Variants in SGCZ observed in about 807,000 individuals in gnomAD.
The protein encoded by SGCZ is sarcoglycan zeta, also known as zeta-sarcoglycan.
SGCZ carries 40 observed loss-of-function variants against 41.3 expected under a neutral mutation model. The ratio of observed to expected loss-of-function variants is 0.97; its 90% CI spans 0.75 to 1.26. The LOEUF is 1.26. Among genes scored for constraint, SGCZ ranks in the 50% most tolerant of loss-of-function variants. The pLI is 0.00. For missense variants in SGCZ, 552 were observed against 369.8 expected (o/e 1.49, Z -4.04); for synonymous variants, 206 against 137.5 (o/e 1.50, Z -3.49).
At chr8:15,236,882 C>T (rs1438130507) in intron 1 of SGCZ, among the ~76,000 whole-genome samples, 1 of 152,086 alleles carries the variant, frequency 6.6e-6, no homozygotes, top group Admixed American at 6.5e-5. Context: ...GCAGATGCCG[C>T]CCCTACCAGC....
chr8:14,518,684 C>A (rs147191825), intron 2 of SGCZ, among the ~76,000 whole-genome samples: 5 of 151,844 alleles, frequency 3.3e-5, no homozygotes, highest in Non-Finnish European at 7.4e-5. Flanking sequence ...GAAAATAGAA[C>A]GTTATTAAGT....
At chr8:15,144,470 A>C (rs478019) in intron 1 of SGCZ, among the ~76,000 whole-genome samples, 19,593 of 149,034 alleles carry the variant, frequency 0.13, 1,316 homozygotes, top group South Asian at 0.21. Flanking sequence ...GTTGACATTC[A>C]CTTTTTTTTT....
chr8:14,243,299 T>G (rs934860951), intron 3 of SGCZ, among the ~76,000 whole-genome samples: 8 of 152,216 alleles, frequency 5.3e-5, no homozygotes, highest in African/African-American at 1.9e-4. Flanking sequence ...ATCTACCTTA[T>G]CCTCAGTTCC....
In SGCZ at chr8:15,203,395, C is replaced by T. The variant is rs529996319; in HGVS notation, c.39+34190G>A. Among the ~76,000 whole-genome samples, 33 of 152,218 alleles carry T rather than the reference C, an allele frequency of 2.2e-4. No individual in the cohort carries two copies. In the South Asian group the frequency reaches 3.7e-3, roughly 17 times the overall value. On this transcript the variant is annotated intron_variant, in intron 1 of 7. Transcript: ENST00000382080. ...CAATGTCAGGCATTGAGTGTACAAA[C>T]CCCGTGAGGCCACTGCAGTTTCATT...
intron 1 of SGCZ, among the ~76,000 whole-genome samples, chr8:15,209,033 T>C (rs1801159664): frequency 6.6e-6 from 1 of 152,062 alleles, no homozygotes; most frequent in Non-Finnish European, 1.5e-5. Flanking sequence ...AAAGGAATCC[T>C]AGACTTGGAG....
At chr8:14,139,121 T>C (rs1461886630) in intron 5 of SGCZ, among the ~76,000 whole-genome samples, 1 of 152,074 alleles carries the variant, frequency 6.6e-6, no homozygotes, top group Non-Finnish European at 1.5e-5. Context: ...AAGGCAGAAA[T>C]AAAGATGTTC....
At chr8:14,102,843 AATAACTTACCAGTAT>A (rs1802076378) in intron 6 of SGCZ, among the ~76,000 whole-genome samples, 3 of 152,166 alleles carry the variant, frequency 2.0e-5, no homozygotes, top group South Asian at 2.1e-4. Context: ...TAAAATTTTT[AATAACTTACCAGTAT>A]ATAACTTACT....
intron 1 of SGCZ, among the ~76,000 whole-genome samples, chr8:15,130,126 G>C (rs1028676751): frequency 1.6e-4 from 24 of 152,098 alleles, no homozygotes; most frequent in African/African-American, 5.1e-4. Flanking sequence ...TCTATCGGGA[G>C]GTTTTGGCAT....
At chr8:14,182,498 C>T (rs1804761323) in intron 4 of SGCZ, among the ~76,000 whole-genome samples, 1 of 152,178 alleles carries the variant, frequency 6.6e-6, no homozygotes, top group African/African-American at 2.4e-5. Context: ...AAGCCTTACT[C>T]ATCTACTCAT....
At chr8:15,141,996 C>T (rs754069191) in intron 1 of SGCZ, among the ~76,000 whole-genome samples, 1 of 152,054 alleles carries the variant, frequency 6.6e-6, no homozygotes, top group African/African-American at 2.4e-5. Context: ...GGACAGGCAC[C>T]GGCTGCATCA....
intron 4 of SGCZ, among the ~76,000 whole-genome samples, chr8:14,230,230 G>A (rs976382143): frequency 6.6e-6 from 1 of 152,010 alleles, no homozygotes; most frequent in African/African-American, 2.4e-5. Flanking sequence ...AAGAGTCGTG[G>A]AGACAATCTA....
chr8:15,037,192 G>A (rs1325082511), intron 1 of SGCZ, among the ~76,000 whole-genome samples: 1 of 152,084 alleles, frequency 6.6e-6, no homozygotes, highest in East Asian at 1.9e-4. Flanking sequence ...TGTCATAGGA[G>A]GGACCCAGTA....
chr8:15,022,899 G>A (rs1054126927), intron 1 of SGCZ, among the ~76,000 whole-genome samples: 9 of 152,100 alleles, frequency 5.9e-5, no homozygotes, highest in South Asian at 4.1e-4. Flanking sequence ...TTTAAGTAAC[G>A]TACGTTTCAC....
intron 1 of SGCZ, among the ~76,000 whole-genome samples, chr8:15,015,416 G>A (rs894480206): frequency 2.6e-5 from 4 of 151,656 alleles, no homozygotes; most frequent in East Asian, 2.0e-4. Flanking sequence ...AAACATACAC[G>A]TGGCTGGGCA....
chr8:14,837,068 C>A (rs987688074), intron 1 of SGCZ, among the ~76,000 whole-genome samples: 1 of 152,116 alleles, frequency 6.6e-6, no homozygotes, highest in African/African-American at 2.4e-5. Flanking sequence ...AATTTAAATA[C>A]CTGTAGCTCT....
intron 1 of SGCZ, among the ~76,000 whole-genome samples, chr8:14,784,892 A>T (rs1800705618): frequency 8.7e-6 from 1 of 115,522 alleles, no homozygotes; most frequent in African/African-American, 3.6e-5. Context: ...ACAAGAGTGA[A>T]ACTCTGCCTC....
rs150293024 is a variant in SGCZ at position 14,885,703 on chromosome 8, T to G, written c.40-330777A>C. Among the ~76,000 whole-genome samples the G allele has an allele frequency of 4.1e-3, 616 of 152,094 alleles. 3 individuals are homozygous for G. Among genetic ancestry groups the G allele is most frequent in the African/African-American group, 0.014 (577 of 41,526 alleles). ...AGGCCCAGTAATTGTAGGACTCAAG[T>G]GATGCATGATTTTAAAAAGGCCAAG... On this transcript the variant is annotated intron_variant, in intron 1 of 7. Transcript: ENST00000382080.
At chr8:14,987,140 T>C (rs564375358) in intron 1 of SGCZ, among the ~76,000 whole-genome samples, 2 of 152,012 alleles carry the variant, frequency 1.3e-5, no homozygotes, top group South Asian at 4.2e-4. Flanking sequence ...TAGAAAACTG[T>C]TTACCACAGT....
intron 1 of SGCZ, among the ~76,000 whole-genome samples, chr8:14,944,569 T>C (rs1419026718): frequency 3.3e-5 from 5 of 152,222 alleles, no homozygotes; most frequent in African/African-American, 1.2e-4. Context: ...TCCAACAGAA[T>C]GCAGTTTACT....
Sources: allele counts gnomAD v4.1 joint callset (sites outside exome capture counted in the v4.1 genomes callset), GRCh38; gene constraint gnomAD v4.1.1; transcripts MANE v1.5; gene names NCBI Gene and HGNC (gene_info 2026-07-23, HGNC 2026-07-21).